The following DNAH9 variants were observed in gnomAD, a reference collection of about 807,000 sequenced individuals.
DNAH9 encodes the protein dynein axonemal heavy chain 9.
Under a neutral mutation model 471.6 loss-of-function variants are expected in DNAH9, and 345 were observed. The ratio of observed to expected loss-of-function variants is 0.73; its 90% CI spans 0.67 to 0.80. The LOEUF (loss-of-function observed/expected upper bound fraction) is 0.80, where lower values mean the gene tolerates loss of function less well. Ranked by LOEUF, DNAH9 falls within the 30% of genes least tolerant of loss-of-function variation. DNAH9 has a pLI of 0.00. For missense variants in DNAH9, 5,407 were observed against 5,609.2 expected (o/e 0.96, Z 1.15); for synonymous variants, 2,093 against 2,123.6 (o/e 0.99, Z 0.40).
At chr17:11,672,873 A>T (rs2150732416) in intron 17 of DNAH9, among the ~76,000 whole-genome samples, 1 of 152,202 alleles carries the variant, frequency 6.6e-6, no homozygotes, top group Middle Eastern at 3.4e-3. Context: ...TCCACCTGTT[A>T]TCTTTCCACC....
chr17:11,786,605 G>A (rs1441970836), intron 41 of DNAH9, among the ~76,000 whole-genome samples: 5 of 152,158 alleles, frequency 3.3e-5, no homozygotes, highest in African/African-American at 9.7e-5. Flanking sequence ...TGACAAAACC[G>A]AGCCACAGAC....
In DNAH9 at chr17:11,961,996, C is replaced by A; in HGVS notation, c.12973C>A (p.Leu4325Ile). The A allele has an allele frequency of 6.2e-7, 1 of 1,614,186 alleles. No homozygotes were observed. The highest frequency in any genetic ancestry group is 1.7e-5 in the Admixed American group (1 of 60,024). Residue 4325 changes from leucine (L) to isoleucine (I), a missense_variant, in exon 68 of 69, where the codon CTC (leucine) becomes ATC (isoleucine). By Grantham distance (5) the Leu-to-Ile change is conservative (BLOSUM62 2). Around this residue, in one of 3 missense-constraint regions of DNAH9, gnomAD observed 4,636 missense variants for 4,900.3 expected, o/e 0.95. Coordinates refer to ENST00000262442, the MANE Select transcript of DNAH9 (RefSeq NM_001372.4). Reference protein sequence around the residue: ...AGLAAWFPDLLNRIKELEAWT... With the variant: ...AGLAAWFPDLINRIKELEAWT... Reference sequence around the variant, plus strand: ...CCTGGCAGCCTGGTTTCCAGACCTCCTCAACAGAATCAAGGAGCTAGAGGC... The same window carrying A: ...CCTGGCAGCCTGGTTTCCAGACCTCATCAACAGAATCAAGGAGCTAGAGGC...
chr17:11,622,821 T>C (rs969275875), intron 6 of DNAH9, among the ~76,000 whole-genome samples: 2 of 152,142 alleles, frequency 1.3e-5, no homozygotes, highest in African/African-American at 4.8e-5. Flanking sequence ...AAAAAGCAGT[T>C]GCCCCCATTT....
chr17:11,708,763 A>G (rs977802344), intron 26 of DNAH9, among the ~76,000 whole-genome samples: 6 of 152,290 alleles, frequency 3.9e-5, no homozygotes, highest in Non-Finnish European at 8.8e-5. Context: ...GGGAGTTTAT[A>G]CCACTTGGGA....
In DNAH9 at chr17:11,626,682, G is replaced by T. The variant is rs148661467; in HGVS notation, c.1351-2735G>T. On this transcript the variant is annotated intron_variant, in intron 6 of 68. Coordinates refer to ENST00000262442, the MANE Select transcript of DNAH9 (RefSeq NM_001372.4). The surrounding 1 kb of genome is among the most constrained non-coding windows in gnomAD (Gnocchi z 4.3). ...CCATTCACTCATTTGCCTTCATTCT[G>T]CCTTCACTGTAGCACCAGGGAAGGT... Among the ~76,000 whole-genome samples, 204 of 152,220 alleles carry T rather than the reference G, an allele frequency of 1.3e-3. No individual in the cohort carries two copies. The highest frequency in any genetic ancestry group is 4.3e-3 in the African/African-American group (178 of 41,520).
intron 67 of DNAH9, among the ~76,000 whole-genome samples, chr17:11,959,778 T>C (rs1299457055): frequency 3.3e-5 from 5 of 152,204 alleles, no homozygotes; most frequent in Non-Finnish European, 7.3e-5. Flanking sequence ...GCTCTGGTCA[T>C]TCACCTCAAA....
intron 64 of DNAH9, 78 bp from the exon 65 acceptor site, chr17:11,933,802 T>C: frequency 7.4e-7 from 1 of 1,350,926 alleles, no homozygotes; most frequent in Non-Finnish European, 1.0e-6. Context: ...CTTTCTGTGC[T>C]GCCCAGATGG....
chr17:11,726,886 A>G (rs536404058), intron 27 of DNAH9, among the ~76,000 whole-genome samples: 2 of 151,968 alleles, frequency 1.3e-5, no homozygotes, highest in Non-Finnish European at 2.9e-5. Flanking sequence ...TGTCTCTACT[A>G]AAAATATAAA....
At chr17:11,601,923 G>A (rs111986829) in intron 1 of DNAH9, among the ~76,000 whole-genome samples, 1 of 152,138 alleles carries the variant, frequency 6.6e-6, no homozygotes, top group African/African-American at 2.4e-5. Flanking sequence ...CTGAGAGAAA[G>A]CTGTAATTTT....
intron 17 of DNAH9, among the ~76,000 whole-genome samples, chr17:11,672,667 C>T (rs2073990469): frequency 6.6e-6 from 1 of 152,176 alleles, no homozygotes; most frequent in South Asian, 2.1e-4. Flanking sequence ...TGATAGTCAC[C>T]CGCCATGACC....
At chr17:11,924,143 C>A (rs936959965) in intron 62 of DNAH9, among the ~76,000 whole-genome samples, 2 of 152,162 alleles carry the variant, frequency 1.3e-5, no homozygotes, top group Non-Finnish European at 2.9e-5. Context: ...CAATCCTTCT[C>A]CCCTCACCTG....
chr17:11,918,465 A>C (rs181492070), intron 61 of DNAH9, among the ~76,000 whole-genome samples: 36 of 152,192 alleles, frequency 2.4e-4, no homozygotes, highest in African/African-American at 8.2e-4. Flanking sequence ...TCCTGAGCTC[A>C]AGCAACCTGC....
chr17:11,820,049 T>A (rs1369379068), intron 45 of DNAH9, among the ~76,000 whole-genome samples: 1 of 152,178 alleles, frequency 6.6e-6, no homozygotes, highest in African/African-American at 2.4e-5. Context: ...TTTAGTATTT[T>A]ACTACTAGGT....
chr17:11,601,162 A>G (rs114464461), intron 1 of DNAH9, among the ~76,000 whole-genome samples: 89 of 152,224 alleles, frequency 5.8e-4, no homozygotes, highest in African/African-American at 2.0e-3. Flanking sequence ...ACAATATTCT[A>G]TTGTATGTAT....
At position 11,679,989 on chromosome 17, in the gene DNAH9, T is replaced by C. The variant is rs2074107621; in HGVS notation, c.3576+10T>C. On this transcript the variant is annotated intron_variant, in intron 18 of 68. Transcript: ENST00000262442. ...GTTTAAGCAGCTGGAGGTCAGTGCA[T>C]TTATGTCTTCCTTATAAAAGAAATA... 1 of 1,599,626 alleles carries C rather than the reference T, an allele frequency of 6.3e-7. No individual in the cohort carries two copies. Among genetic ancestry groups the C allele is most frequent in the African/African-American group, 1.3e-5 (1 of 74,496 alleles).
intron 57 of DNAH9, among the ~76,000 whole-genome samples, chr17:11,891,536 T>G (rs1354250683): frequency 6.6e-6 from 1 of 152,160 alleles, no homozygotes; most frequent in Non-Finnish European, 1.5e-5. Context: ...TGCTAATTTT[T>G]GTGCTTTTAG....
chr17:11,836,375 C>T (rs796427316), intron 49 of DNAH9, among the ~76,000 whole-genome samples: 3 of 152,190 alleles, frequency 2.0e-5, no homozygotes, highest in Admixed American at 1.3e-4. Flanking sequence ...GATGTGAGTG[C>T]ATTTTTGTAT....
intron 10 of DNAH9, among the ~76,000 whole-genome samples, chr17:11,644,078 G>A (rs2073331757): frequency 1.3e-5 from 2 of 152,148 alleles, no homozygotes; most frequent in Admixed American, 6.5e-5. Context: ...TTATACGATT[G>A]GCAGCACAGT....
chr17:11,753,417 C>A (rs908863813), intron 33 of DNAH9, among the ~76,000 whole-genome samples: 1 of 152,182 alleles, frequency 6.6e-6, no homozygotes, highest in Non-Finnish European at 1.5e-5. Context: ...GTAGTCCCAG[C>A]ACCCTGGGAG....
Sources: allele counts gnomAD v4.1 joint callset (sites outside exome capture counted in the v4.1 genomes callset), GRCh38; gene constraint gnomAD v4.1.1; regional missense constraint gnomAD v4.1.1; non-coding constraint Gnocchi (gnomAD v3.1); transcripts MANE v1.5; gene names NCBI Gene and HGNC (gene_info 2026-07-23, HGNC 2026-07-21).